Variants in RADX observed in about 807,000 individuals in gnomAD.
RADX encodes the protein RPA-related protein RADX.
In RADX, 36 loss-of-function variants were observed where a neutral mutation model predicts 61.6. That is an observed-to-expected ratio of 0.58 (90% confidence interval 0.45 to 0.77). The LOEUF is 0.77. RADX is among the 30% of genes least tolerant of loss of function. The pLI is 0.00. For missense variants in RADX, 497 were observed against 651.1 expected (o/e 0.76, Z 2.58); for synonymous variants, 272 against 237.9 (o/e 1.14, Z -1.32).
intron 3 of RADX, among the ~76,000 whole-genome samples, chrX:106,631,701 CA>C (rs751122251): frequency 4.4e-3 from 107 of 24,213 alleles, no homozygotes; most frequent in South Asian, 0.01. Flanking sequence ...AAGGCCCTGT[CA>C]AAAAAAAAAA....
Position 106,640,714 on chromosome X carries a change from G to T in RADX, c.1897G>T (p.Ala633Ser), listed in dbSNP as rs1009095037. Residue 633 changes from alanine to serine, a missense_variant, in exon 10 of 14, where the codon GCT (alanine) becomes TCT (serine). Ala to Ser is a moderately conservative substitution (Grantham distance 99). Transcript: ENST00000372548. ...NKIRILQGPH[A>S]NPVAVPQPGA... ...AATAAGAATTCTTCAAGGCCCACAC[G>T]CTAATCCGTAAGTCATTTGTATTAA... 1 of 1,171,865 alleles carries T rather than the reference G, an allele frequency of 8.5e-7. No homozygotes were observed. Among genetic ancestry groups the T allele is most frequent in the Non-Finnish European group, 1.1e-6 (1 of 870,548 alleles).
At chrX:106,672,064 T>G (rs1033244070) in intron 13 of RADX, among the ~76,000 whole-genome samples, 3 of 111,898 alleles carry the variant, frequency 2.7e-5, no homozygotes, top group Non-Finnish European at 3.8e-5. Flanking sequence ...GACTACATTT[T>G]TTTGAATTCA....
At chrX:106,666,292 A>G (rs1341485672) in intron 12 of RADX, among the ~76,000 whole-genome samples, 1 of 112,310 alleles carries the variant, frequency 8.9e-6, no homozygotes, top group Non-Finnish European at 1.9e-5. Context: ...AGTCAATCAA[A>G]GTTTAAAAGT....
At chrX:106,632,517 T>C (rs187793234) in intron 3 of RADX, 108 bp from the exon 4 acceptor site, 283 of 411,007 alleles carry the variant, frequency 6.9e-4, no homozygotes, top group Non-Finnish European at 1.0e-3. Flanking sequence ...TTGAGTTTAG[T>C]GGTGGGTTCA....
At chrX:106,670,647 A>T (rs1928341468) in intron 13 of RADX, among the ~76,000 whole-genome samples, 1 of 108,363 alleles carries the variant, frequency 9.2e-6, no homozygotes, top group Non-Finnish European at 1.9e-5. Context: ...TGTATAATAT[A>T]ATAATAATAA....
intron 8 of RADX, chrX:106,638,153 T>C: frequency 3.4e-6 from 1 of 294,598 alleles, no homozygotes; most frequent in African/African-American, 2.7e-5. Context: ...AATACTTTGA[T>C]TTTTATCAGA....
At chrX:106,674,158 T>TTGTGTG (rs370950825) in intron 13 of RADX, among the ~76,000 whole-genome samples, 1 of 109,192 alleles carries the variant, frequency 9.2e-6, no homozygotes, top group African/African-American at 3.3e-5. Context: ...TGAAGGTGTT[T>TTGTGTG]TGTGTGTGTG....
chrX:106,650,397 T>G (rs190833792), intron 11 of RADX, among the ~76,000 whole-genome samples: 9 of 110,287 alleles, frequency 8.2e-5, no homozygotes, highest in African/African-American at 3.0e-4. Flanking sequence ...CTAGGGTGCT[T>G]GGGATTCCCT....
rs1928557258 is a variant in RADX, at chrX:106,678,243, A to G, written c.2553A>G (p.Pro851=). The change falls in exon 14 of 14, where the codon CCA becomes CCG. Residue 851 remains proline (P), a synonymous_variant. Transcript: ENST00000372548. ...VEVYLHKIYS[P]ENTS is the part of the protein sequence containing the mutation. ...TCTATTTGCACAAGATTTATAGTCC[A>G]GAGAATACTTCTTAAAAGTTAGCAA... The G allele has an allele frequency of 5.2e-6, 6 of 1,158,590 alleles. No individual in the cohort carries two copies. Among genetic ancestry groups the G allele is most frequent in the Non-Finnish European group, 7.1e-6 (6 of 850,313 alleles).
intron 11 of RADX, among the ~76,000 whole-genome samples, chrX:106,648,876 A>G (rs918307783): frequency 2.7e-5 from 3 of 110,504 alleles, no homozygotes; most frequent in Admixed American, 9.6e-5. Flanking sequence ...TTAGCACTTT[A>G]TTTCCTTGCT....
chrX:106,636,528 G>A lies in RADX; in HGVS notation c.1304-15G>A. On this transcript the variant is annotated splice_polypyrimidine_tract_variant and intron_variant, in intron 6 of 13. Transcript: ENST00000372548. ...GAAATGGAAAAGTAATTTCATAAGTGTTTTTGTTCTCTAGTGGCATATTTT... is the reference window on the plus strand; with the variant it reads ...GAAATGGAAAAGTAATTTCATAAGTATTTTTGTTCTCTAGTGGCATATTTT... The A allele has an allele frequency of 2.9e-6, 3 of 1,046,964 alleles. No homozygotes were observed. The South Asian group carries it at 6.0e-5, about 21-fold the overall frequency. 86.3% of individuals were successfully genotyped at this position (1,046,964 alleles called of 1,213,427 possible).
At chrX:106,673,204 C>G (rs185719709) in intron 13 of RADX, among the ~76,000 whole-genome samples, 297 of 111,555 alleles carry the variant, frequency 2.7e-3, no homozygotes, top group African/African-American at 9.3e-3. Flanking sequence ...GAGTCTCACC[C>G]CAAAGCCACC....
rs759877652 is a variant in RADX, at chrX:106,639,626, C to T, written c.1673C>T (p.Ala558Val). 8.3e-7 allele frequency: 1 copy of T among 1,203,273 alleles called. No individual in the cohort carries two copies. Among genetic ancestry groups the T allele is most frequent in the Non-Finnish European group, 1.1e-6 (1 of 890,361 alleles). Residue 558 changes from alanine (A) to valine (V), a missense_variant, in exon 9 of 14, where the codon GCT becomes GTT. Transcript: ENST00000372548. ...ATTGCAATTCAGGGGATAATTACTG[C>T]TATAAAGTATATCCCCCATAGCAGT... is the stretch of plus-strand genomic sequence containing the variant. The part of the protein sequence containing the change: ...KRIAIQGIIT[A>V]IKYIPHSSAT...
rs1927922923 is a variant in RADX, at chrX:106,655,660, AG to A, written c.1979-6353del. Among the ~76,000 whole-genome samples the A allele has an allele frequency of 3.6e-5, 4 of 110,827 alleles. No individual in the cohort carries two copies. In the Admixed American group the frequency reaches 3.9e-4, roughly 11 times the overall value. ...TCCAGCTTCATCCATGTCCTTAAAA[AG>A]GACATGAACTCATCCTTTTTTATGG... On this transcript the variant is annotated intron_variant, in intron 11 of 13. Transcript: ENST00000372548.
Position 106,628,166 on chromosome X carries a change from A to G in RADX, c.979+2884A>G, listed in dbSNP as rs766133267. ...GTGATTAGTTATCTTTTAAAGAGAA[A>G]AAAAAAGGCAGTTATGTAAATCATG... On this transcript the variant is annotated intron_variant, in intron 3 of 13. Coordinates refer to ENST00000372548, the MANE Select transcript of RADX (RefSeq NM_018015.6). Among the ~76,000 whole-genome samples, 10 of 111,978 alleles carry G rather than the reference A, an allele frequency of 8.9e-5. No individual in the cohort carries two copies. In the South Asian group the frequency reaches 1.1e-3, roughly 13 times the overall value.
At chrX:106,648,141 A>G (rs988732731) in intron 10 of RADX, among the ~76,000 whole-genome samples, 172 bp from the exon 11 acceptor site, 2 of 111,598 alleles carry the variant, frequency 1.8e-5, no homozygotes, top group Non-Finnish European at 3.8e-5. Context: ...TGTTTTATAT[A>G]TGGATATTTT....
intron 11 of RADX, among the ~76,000 whole-genome samples, chrX:106,661,604 A>G (rs1419987902): frequency 9.0e-6 from 1 of 110,840 alleles, no homozygotes; most frequent in African/African-American, 3.3e-5. Context: ...GCAGAGATTA[A>G]CAAAAGTTTA....
At chrX:106,625,315 C>G in intron 3 of RADX, 33 bp downstream of exon 3, 4 of 1,010,904 alleles carry the variant, frequency 4.0e-6, no homozygotes, top group Non-Finnish European at 5.3e-6. Flanking sequence ...TGTCTTATCG[C>G]TGTTTTGTTT....
chrX:106,643,749 T>G (rs1927586826), intron 10 of RADX, among the ~76,000 whole-genome samples: 1 of 111,776 alleles, frequency 8.9e-6, no homozygotes. Flanking sequence ...TAGGATAGCT[T>G]TGGCTATTCT....
Sources: allele counts gnomAD v4.1 joint callset (sites outside exome capture counted in the v4.1 genomes callset), GRCh38; gene constraint gnomAD v4.1.1; transcripts MANE v1.5; gene names NCBI Gene and HGNC (gene_info 2026-07-23, HGNC 2026-07-21).